CNTNAP5: variants seen among roughly 807,000 people sequenced by gnomAD.
The protein encoded by CNTNAP5 is contactin associated protein family member 5.
A neutral mutation model predicts 150.2 loss-of-function variants in CNTNAP5; 72 were observed. The observed-to-expected ratio is 0.48, with a 90% confidence interval of 0.40 to 0.58. The LOEUF (loss-of-function observed/expected upper bound fraction) is 0.58, where lower values mean the gene tolerates loss of function less well. CNTNAP5 is among the 20% of genes least tolerant of loss of function. The pLI is 0.00. For synonymous variants in CNTNAP5, 672 were observed against 619.8 expected, an observed-to-expected ratio of 1.08 and a Z score of -1.25; for missense variants, 1,636 against 1,626.2, an observed-to-expected ratio of 1.01 and a Z score of -0.10.
At chr2:124,909,170 T>C (rs1263740552) in intron 22 of CNTNAP5, among the ~76,000 whole-genome samples, 2 of 152,144 alleles carry the variant, frequency 1.3e-5, no homozygotes, top group East Asian at 3.9e-4. Flanking sequence ...CTTCCAGTCC[T>C]GCAGGCTCCA....
intron 4 of CNTNAP5, among the ~76,000 whole-genome samples, chr2:124,431,230 T>C (rs1692371018): frequency 6.6e-6 from 1 of 152,090 alleles, no homozygotes; most frequent in African/African-American, 2.4e-5. Context: ...GTTAAGTCAC[T>C]AGACTAGCCA....
intron 3 of CNTNAP5, among the ~76,000 whole-genome samples, chr2:124,296,652 G>A (rs531974550): frequency 1.3e-5 from 2 of 152,130 alleles, no homozygotes; most frequent in Admixed American, 6.5e-5. Flanking sequence ...CCAAGACCAC[G>A]TGTGTGGTAG....
intron 13 of CNTNAP5, among the ~76,000 whole-genome samples, chr2:124,668,217 A>G (rs1045959967): frequency 6.6e-6 from 1 of 152,198 alleles, no homozygotes; most frequent in Non-Finnish European, 1.5e-5. Flanking sequence ...GTAGTCATAC[A>G]TTTAGCTAGG....
intron 13 of CNTNAP5, among the ~76,000 whole-genome samples, chr2:124,724,657 A>C (rs1368880354): frequency 6.6e-6 from 1 of 151,888 alleles, no homozygotes; most frequent in African/African-American, 2.4e-5. Flanking sequence ...CTGCATCCTT[A>C]TCTCTTCTGT....
intron 3 of CNTNAP5, among the ~76,000 whole-genome samples, chr2:124,313,620 C>A (rs1688887385): frequency 6.6e-6 from 1 of 152,184 alleles, no homozygotes; most frequent in Non-Finnish European, 1.5e-5. Context: ...AAAAATCTAG[C>A]TGTGGCTGTG....
intron 3 of CNTNAP5, among the ~76,000 whole-genome samples, chr2:124,363,146 G>T (rs1273736996): frequency 1.3e-5 from 2 of 152,174 alleles, no homozygotes; most frequent in African/African-American, 2.4e-5. Context: ...CCTGTTGCTG[G>T]CTGTTAATTA....
intron 19 of CNTNAP5, among the ~76,000 whole-genome samples, chr2:124,828,475 C>T (rs757316465): frequency 6.6e-6 from 1 of 151,384 alleles, no homozygotes; most frequent in Non-Finnish European, 1.5e-5. Flanking sequence ...AGTGAGACTC[C>T]ATCTCAAAAA....
rs905940249 is a variant in CNTNAP5 at position 124,025,724 on chromosome 2, C to T, written c.74C>T (p.Ala25Val). The change falls in exon 1 of 24, where the codon GCG (alanine) becomes GTG (valine). Residue 25 changes from alanine (A) to valine (V), a missense_variant. Physicochemically the swap from Ala to Val is moderately conservative, Grantham distance 64. Transcript: ENST00000682447. ...FSGLWHLGLT[A>V]TNYNCDDPLA... ...GGCTTGTGGCATTTAGGATTAACAG[C>T]GACAAACTGTGAGTACGAGGAGCTG... is the stretch of plus-strand genomic sequence containing the variant. The T allele has an allele frequency of 1.9e-6, 3 of 1,612,624 alleles. No individual in the cohort carries two copies. Among genetic ancestry groups the T allele is most frequent in the East Asian group, 2.2e-5 (1 of 44,782 alleles).
chr2:124,737,622 G>A lies in CNTNAP5; in HGVS notation c.2078-9607G>A, dbSNP rs564303793. Among the ~76,000 whole-genome samples, 5 of 152,262 alleles carry A rather than the reference G, an allele frequency of 3.3e-5. No homozygotes were observed. The South Asian group carries it at 1.0e-3, about 32-fold the overall frequency. On this transcript the variant is annotated intron_variant, in intron 13 of 23. Transcript: ENST00000682447. ...TTTCTTGTTGCAATAGGGAACTATT[G>A]GGAAATTTCAATCAGAGGTAAATCA...
At chr2:124,772,687 A>G (rs549198809) in intron 16 of CNTNAP5, 112 bp from the exon 17 acceptor site, 1 of 735,482 alleles carries the variant, frequency 1.4e-6, no homozygotes, top group Admixed American at 2.3e-5. Context: ...GGATTTCAAA[A>G]GAAGTCTTCT....
rs533868938 is a variant in CNTNAP5, at chr2:124,836,381, T to G, written c.3218-28925T>G. On this transcript the variant is annotated intron_variant, in intron 19 of 23. Transcript: ENST00000682447. ...AATATAAGTGGTCTCTAAAATGAAA[T>G]TGTTCCTGCCACAGACAGCTTATCC... Among the ~76,000 whole-genome samples, 17 of 152,270 alleles carry G rather than the reference T, an allele frequency of 1.1e-4. No homozygotes were observed. In the South Asian group the frequency reaches 3.5e-3, roughly 32 times the overall value.
At chr2:124,541,299 CT>C (rs1319361981) in intron 10 of CNTNAP5, among the ~76,000 whole-genome samples, 4 of 148,152 alleles carry the variant, frequency 2.7e-5, no homozygotes, top group African/African-American at 1.0e-4. Flanking sequence ...ATTAATACCA[CT>C]TTCTTACTCT....
At chr2:124,052,525 T>G (rs184692094) in intron 1 of CNTNAP5, among the ~76,000 whole-genome samples, 15 of 152,352 alleles carry the variant, frequency 9.8e-5, no homozygotes, top group South Asian at 6.2e-4. Flanking sequence ...GCATTTGCAG[T>G]GCAGAACTTT....
At chr2:124,189,878 C>A (rs950699989) in intron 1 of CNTNAP5, among the ~76,000 whole-genome samples, 2 of 152,150 alleles carry the variant, frequency 1.3e-5, no homozygotes, top group East Asian at 3.9e-4. Context: ...GCACATCAAC[C>A]CCTCGGAAAG....
At chr2:124,140,097 G>T (rs1183775528) in intron 1 of CNTNAP5, among the ~76,000 whole-genome samples, 2 of 151,726 alleles carry the variant, frequency 1.3e-5, no homozygotes, top group African/African-American at 4.8e-5. Flanking sequence ...AAAAAACGGC[G>T]CACCACGAGA....
rs553558747 is a variant in CNTNAP5 at position 124,461,240 on chromosome 2, C to T, written c.919-13499C>T. 5.5e-4 allele frequency among the ~76,000 whole-genome samples: 83 copies of T among 152,028 alleles called. 1 individual carries two copies. Among genetic ancestry groups the T allele is most frequent in the East Asian group, 1.9e-3 (10 of 5,148 alleles). ...GACACATGCAGACGTATGTTTATTG[C>T]GGCACTATTCACAATAGCAAAGACT... is the stretch of plus-strand genomic sequence containing the variant. On this transcript the variant is annotated intron_variant, in intron 6 of 23. Transcript: ENST00000682447.
intron 8 of CNTNAP5, among the ~76,000 whole-genome samples, chr2:124,513,511 C>T (rs1414400351): frequency 1.3e-5 from 2 of 152,176 alleles, no homozygotes; most frequent in East Asian, 3.9e-4. Flanking sequence ...GAAACAAGTA[C>T]ATTATTTGCC....
chr2:124,759,151 A>G (rs951314629), intron 14 of CNTNAP5, among the ~76,000 whole-genome samples: 4 of 151,864 alleles, frequency 2.6e-5, no homozygotes, highest in Non-Finnish European at 4.4e-5. Context: ...AGAAATTTGA[A>G]GAGTTGGAGA....
chr2:124,815,275 A>G (rs1444019652), intron 19 of CNTNAP5, among the ~76,000 whole-genome samples: 1 of 152,228 alleles, frequency 6.6e-6, no homozygotes, highest in Non-Finnish European at 1.5e-5. Context: ...TAGCTGAAAT[A>G]TTTTTTGATA....
Sources: gnomAD v4.1 joint callset for allele counts (sites outside exome capture counted in the v4.1 genomes callset) on GRCh38, gnomAD v4.1.1 for gene constraint, MANE v1.5 for transcripts, NCBI Gene and HGNC (gene_info 2026-07-23, HGNC 2026-07-21) for gene names.